CEMIP: variants seen among roughly 807,000 people sequenced by gnomAD.
CEMIP encodes the protein cell migration-inducing and hyaluronan-binding protein.
A neutral mutation model predicts 156.9 loss-of-function variants in CEMIP; 105 were observed. That is an observed-to-expected ratio of 0.67 (90% CI 0.57 to 0.79). CEMIP has a LOEUF of 0.79. Ranked by LOEUF, CEMIP falls within the 30% of genes least tolerant of loss-of-function variation. The pLI is 0.00. For missense variants in CEMIP, 1,457 were observed against 1,769.4 expected (o/e 0.82, Z 3.17); for synonymous variants, 676 against 668.4 (o/e 1.01, Z -0.17).
At chr15:80,850,903 G>A (rs1897701551) in intron 1 of CEMIP, among the ~76,000 whole-genome samples, 1 of 151,998 alleles carries the variant, frequency 6.6e-6, no homozygotes. Context: ...GCAGGCTCAG[G>A]GATGGCTGAA....
intron 1 of CEMIP, among the ~76,000 whole-genome samples, chr15:80,812,966 G>A (rs888870362): frequency 2.4e-4 from 37 of 152,200 alleles, no homozygotes; most frequent in African/African-American, 8.7e-4. Context: ...CCCTACACCA[G>A]CATCGTGCTG....
At chr15:80,883,899 G>A (rs926474386) in intron 6 of CEMIP, among the ~76,000 whole-genome samples, 1 of 152,234 alleles carries the variant, frequency 6.6e-6, no homozygotes, top group Non-Finnish European at 1.5e-5. Flanking sequence ...ACATCCTGGA[G>A]CTTGAAGTCT....
At position 80,948,821 on chromosome 15, in the gene CEMIP, A is replaced by C. The variant is rs1397184231; in HGVS notation, c.3983A>C (p.Lys1328Thr). The C allele has an allele frequency of 3.7e-6, 6 of 1,614,196 alleles. No homozygotes were observed. The highest frequency in any genetic ancestry group is 8.5e-7 in the Non-Finnish European group (1 of 1,180,034). Reference protein sequence around the residue: ...LKEQMAFVGFKGSFRPIWVTL... With the variant: ...LKEQMAFVGFTGSFRPIWVTL... Reference sequence around the variant, plus strand: ...GAGCAAATGGCATTCGTTGGCTTCAAAGGCAGCTTCCGGCCCATCTGGGTG... The same window carrying C: ...GAGCAAATGGCATTCGTTGGCTTCACAGGCAGCTTCCGGCCCATCTGGGTG... The change falls in exon 30 of 30, where the codon AAA becomes ACA. Residue 1328 changes from lysine (K) to threonine (T), a missense_variant. Transcript: ENST00000394685.
intron 1 of CEMIP, among the ~76,000 whole-genome samples, chr15:80,850,435 C>T (rs1338085932): frequency 6.6e-6 from 1 of 152,156 alleles, no homozygotes; most frequent in Non-Finnish European, 1.5e-5. Context: ...TGCCACCATG[C>T]CTAGCTAATT....
chr15:80,931,709 G>A (rs911732597), intron 21 of CEMIP, 150 bp from the exon 22 acceptor site: 2 of 693,726 alleles, frequency 2.9e-6, no homozygotes, highest in Non-Finnish European at 5.1e-6. Flanking sequence ...GTTTCTAGAG[G>A]TGGGGATCAG....
chr15:80,933,114 G>A, intron 22 of CEMIP, 131 bp from the exon 23 acceptor site: 5 of 795,702 alleles, frequency 6.3e-6, no homozygotes, highest in South Asian at 4.6e-5. Context: ...GTTTCTCTCA[G>A]TGCCCGAGAG....
intron 1 of CEMIP, among the ~76,000 whole-genome samples, chr15:80,794,805 G>A (rs1193605476): frequency 6.6e-6 from 1 of 152,136 alleles, no homozygotes; most frequent in East Asian, 1.9e-4. Flanking sequence ...AAAAAATCAC[G>A]GGCGTATGTG....
At chr15:80,944,589 G>A (rs923803903) in intron 28 of CEMIP, among the ~76,000 whole-genome samples, 2 of 152,160 alleles carry the variant, frequency 1.3e-5, no homozygotes, top group African/African-American at 2.4e-5. Context: ...GGGGCACGAC[G>A]TGAACTGGGC....
Position 80,924,677 on chromosome 15 carries a change from G to A in CEMIP, c.2259G>A (p.Lys753=), listed in dbSNP as rs142469586. 40 of 1,614,084 alleles carry A rather than the reference G, an allele frequency of 2.5e-5. No homozygotes were observed. In the African/African-American group the frequency reaches 4.5e-4, roughly 18 times the overall value. The stretch of plus-strand genomic sequence containing the variant: ...CCACCGAGGCCTCTGCCAAGGACAA[G>A]CGGCCGTTCCTCTCAATCATCTCTG... ...VKTTEASAKD[K]RPFLSIISAR... The change falls in exon 18 of 30, where the codon AAG becomes AAA. Residue 753 remains lysine (K), a synonymous_variant. Coordinates refer to ENST00000394685, the MANE Select transcript of CEMIP (RefSeq NM_001293298.2).
At chr15:80,901,412 C>G (rs1469463533) in intron 12 of CEMIP, among the ~76,000 whole-genome samples, 1 of 152,138 alleles carries the variant, frequency 6.6e-6, no homozygotes, top group Non-Finnish European at 1.5e-5. Flanking sequence ...GTTAAAAATT[C>G]TATTCCTGGC....
chr15:80,925,724 C>T lies in CEMIP; in HGVS notation c.2389C>T (p.Arg797Cys), dbSNP rs376686079. ...GAACCAGGACCACGGGGCCTGGCTG[C>T]GCGGCGGGGATGTGTGGCTGGACAG... The part of the protein sequence containing the change: ...YKNQDHGAWL[R>C]GGDVWLDSCR... The change falls in exon 19 of 30, where the codon CGC (arginine) becomes TGC (cysteine). Residue 797 changes from arginine (R) to cysteine (C), a missense_variant. By Grantham distance (180) the Arg-to-Cys change is radical. Coordinates refer to ENST00000394685, the MANE Select transcript of CEMIP (RefSeq NM_001293298.2). 7.7e-5 allele frequency: 125 copies of T among 1,613,364 alleles called. No individual in the cohort carries two copies. The highest frequency in any genetic ancestry group is 9.9e-5 in the Non-Finnish European group (117 of 1,179,984).
At chr15:80,887,095 G>T (rs985214706) in intron 7 of CEMIP, among the ~76,000 whole-genome samples, 1 of 152,212 alleles carries the variant, frequency 6.6e-6, no homozygotes, top group African/African-American at 2.4e-5. Context: ...AAACCTTGCT[G>T]CCCTAAAGCA....
At chr15:80,934,489 C>T (rs1024565826) in intron 23 of CEMIP, among the ~76,000 whole-genome samples, 6 of 152,060 alleles carry the variant, frequency 3.9e-5, no homozygotes, top group African/African-American at 1.2e-4. Flanking sequence ...AAATGAGTAA[C>T]GGGAGAGAGG....
intron 1 of CEMIP, among the ~76,000 whole-genome samples, chr15:80,872,112 C>T (rs566028379): frequency 6.6e-6 from 1 of 152,224 alleles, no homozygotes; most frequent in Non-Finnish European, 1.5e-5. Context: ...TCACTGAACT[C>T]GCACAAAGAG....
rs755175809 is a variant in CEMIP at position 80,909,158 on chromosome 15, A to T, written c.1649A>T (p.Gln550Leu). 5.6e-6 allele frequency: 9 copies of T among 1,614,074 alleles called. No homozygotes were observed. In the Admixed American group the frequency reaches 1.5e-4, roughly 27 times the overall value. The change falls in exon 14 of 30, where the codon CAG (glutamine) becomes CTG (leucine). Residue 550 changes from glutamine to leucine, a missense_variant. Physicochemically the swap from Gln to Leu is moderately radical, Grantham distance 113. Transcript: ENST00000394685. ...EGTELKHMGQ[Q>L]LVGQYPIHFH... ...ACGGAGCTGAAGCATATGGGACAGC[A>T]GCTGGTGGGTCAGTACCCGATTCAC... is the stretch of plus-strand genomic sequence containing the variant.
At chr15:80,886,697 G>T (rs1898854138) in intron 7 of CEMIP, among the ~76,000 whole-genome samples, 1 of 152,170 alleles carries the variant, frequency 6.6e-6, no homozygotes, top group Non-Finnish European at 1.5e-5. Flanking sequence ...AGGAAACGAG[G>T]ACCCAAATAC....
chr15:80,810,803 ACCATCCATCCATCCATCCAT>A (rs59025609), intron 1 of CEMIP, among the ~76,000 whole-genome samples: 3 of 149,296 alleles, frequency 2.0e-5, no homozygotes, highest in Non-Finnish European at 3.0e-5. Context: ...TATCCATTCA[ACCATCCATCCATCCATCCAT>A]CCATCCATCC....
At chr15:80,863,419 T>A (rs1201334567) in intron 1 of CEMIP, among the ~76,000 whole-genome samples, 3 of 152,042 alleles carry the variant, frequency 2.0e-5, no homozygotes, top group Non-Finnish European at 4.4e-5. Flanking sequence ...GGAAGGAAAA[T>A]GTGTTCACGG....
chr15:80,825,471 C>T (rs1005186559), intron 1 of CEMIP, among the ~76,000 whole-genome samples: 2 of 152,180 alleles, frequency 1.3e-5, no homozygotes, highest in African/African-American at 4.8e-5. Context: ...ATTATTTTCT[C>T]CTCTTATTCT....
Sources: allele counts gnomAD v4.1 joint callset (sites outside exome capture counted in the v4.1 genomes callset), GRCh38; gene constraint gnomAD v4.1.1; transcripts MANE v1.5; gene names NCBI Gene and HGNC (gene_info 2026-07-23, HGNC 2026-07-21).